Variants in RBFOX1 observed in about 807,000 individuals in gnomAD.
RBFOX1 encodes the protein RNA binding protein fox-1 homolog 1.
A neutral mutation model predicts 57.7 loss-of-function variants in RBFOX1; 8 were observed. The ratio of observed to expected loss-of-function variants is 0.14; its 90% confidence interval spans 0.08 to 0.25. RBFOX1 has a LOEUF of 0.25. RBFOX1 is among the 10% of genes least tolerant of loss of function. RBFOX1 has a pLI of 1.00. For synonymous variants in RBFOX1, 326 were observed against 222.4 expected (o/e 1.47, Z -4.15); for missense variants, 611 against 548.5 (o/e 1.11, Z -1.14).
chr16:7,665,236 C>A (rs1275280772), intron 13 of RBFOX1, among the ~76,000 whole-genome samples: 1 of 152,122 alleles, frequency 6.6e-6, no homozygotes, highest in Non-Finnish European at 1.5e-5. Flanking sequence ...TTCTTTCATG[C>A]CAACTAAAGA....
chr16:5,961,480 A>T (rs935226233), intron 4 of RBFOX1, among the ~76,000 whole-genome samples: 3 of 129,452 alleles, frequency 2.3e-5, no homozygotes, highest in African/African-American at 5.5e-5. Context: ...CTTTTGTTTA[A>T]AAAAAACAAA....
intron 11 of RBFOX1, among the ~76,000 whole-genome samples, chr16:7,649,389 G>C (rs928968958): frequency 6.6e-6 from 1 of 152,202 alleles, no homozygotes; most frequent in Non-Finnish European, 1.5e-5. Context: ...GTCTGGGTCT[G>C]TTTAGTAAAC....
chr16:5,391,972 G>A (rs372914575), intron 1 of RBFOX1, among the ~76,000 whole-genome samples: 1 of 151,874 alleles, frequency 6.6e-6, no homozygotes, highest in Non-Finnish European at 1.5e-5. Flanking sequence ...ATGATTTAAT[G>A]GCATTCACAG....
In RBFOX1 at chr16:7,426,877, G is replaced by A. The variant is rs116622780; in HGVS notation, c.28-91270G>A. On this transcript the variant is annotated intron_variant, in intron 4 of 15. Transcript: ENST00000550418. Reference sequence around the variant, plus strand: ...TGAGGGTGCATCAGCATTCCTGCACGGCTTGTTAAAACCTCTGAGTCTGTG... The same window carrying A: ...TGAGGGTGCATCAGCATTCCTGCACAGCTTGTTAAAACCTCTGAGTCTGTG... Among the ~76,000 whole-genome samples, 1,323 of 152,214 alleles carry A rather than the reference G, an allele frequency of 8.7e-3. 17 individuals are homozygous for A. Among genetic ancestry groups the A allele is most frequent in the African/African-American group, 0.03 (1,244 of 41,540 alleles).
intron 3 of RBFOX1, among the ~76,000 whole-genome samples, chr16:5,767,690 C>A (rs930733343): frequency 6.6e-6 from 1 of 152,142 alleles, no homozygotes; most frequent in African/African-American, 2.4e-5. Flanking sequence ...CAATGGACTC[C>A]TGAAAAGGCA....
intron 2 of RBFOX1, among the ~76,000 whole-genome samples, chr16:5,532,216 C>T (rs766026805): frequency 6.6e-6 from 1 of 152,196 alleles, no homozygotes; most frequent in Non-Finnish European, 1.5e-5. Flanking sequence ...GGATGTTGAG[C>T]AGCACCCAGG....
chr16:5,874,860 A>C (rs2057564648), intron 4 of RBFOX1, among the ~76,000 whole-genome samples: 1 of 152,130 alleles, frequency 6.6e-6, no homozygotes, highest in South Asian at 2.1e-4. Flanking sequence ...CGGGAGGATC[A>C]CTTGGGACCC....
chr16:7,268,388 C>CT, intron 4 of RBFOX1, among the ~76,000 whole-genome samples: 2 of 152,306 alleles, frequency 1.3e-5, no homozygotes, highest in East Asian at 3.9e-4. Flanking sequence ...GACTCGCTCT[C>CT]ACTCTTACTG....
At chr16:7,486,019 C>G (rs978306013) in intron 4 of RBFOX1, among the ~76,000 whole-genome samples, 1 of 151,090 alleles carries the variant, frequency 6.6e-6, no homozygotes, top group Non-Finnish European at 1.5e-5. Context: ...CTGTCTGGCT[C>G]TTTACAGGAA....
intron 4 of RBFOX1, among the ~76,000 whole-genome samples, chr16:7,278,107 T>C (rs2141048032): frequency 6.6e-6 from 1 of 152,246 alleles, no homozygotes; most frequent in East Asian, 1.9e-4. Context: ...GAATCCATAG[T>C]GGTATTTGGC....
chr16:6,925,348 C>G (rs1268969383), intron 3 of RBFOX1, among the ~76,000 whole-genome samples: 2 of 151,634 alleles, frequency 1.3e-5, no homozygotes, highest in South Asian at 2.1e-4. Flanking sequence ...TGGTCTTGAA[C>G]TCCTGACCTC....
chr16:5,372,970 C>G (rs1026228622), intron 1 of RBFOX1, among the ~76,000 whole-genome samples: 6 of 152,218 alleles, frequency 3.9e-5, no homozygotes, highest in Admixed American at 6.5e-5. Flanking sequence ...CAGACACAGG[C>G]TAGCTTCTGT....
chr16:6,649,530 C>T (rs1602686217), intron 2 of RBFOX1, among the ~76,000 whole-genome samples: 2 of 152,178 alleles, frequency 1.3e-5, no homozygotes, highest in Non-Finnish European at 1.5e-5. Context: ...GACACTTTCC[C>T]CTGAGTCCGC....
chr16:7,166,831 T>C (rs943670446), intron 4 of RBFOX1, among the ~76,000 whole-genome samples: 2 of 151,756 alleles, frequency 1.3e-5, no homozygotes, highest in Non-Finnish European at 2.9e-5. Flanking sequence ...CTCTCCCAGG[T>C]TGTGAAACAA....
intron 1 of RBFOX1, among the ~76,000 whole-genome samples, chr16:6,153,614 C>T (rs1220925685): frequency 1.3e-5 from 2 of 152,120 alleles, no homozygotes; most frequent in African/African-American, 4.8e-5. Flanking sequence ...CGGCTCACTG[C>T]AACCTCTGCC....
intron 3 of RBFOX1, among the ~76,000 whole-genome samples, chr16:6,841,255 G>C (rs1050639692): frequency 5.3e-5 from 8 of 152,082 alleles, no homozygotes; most frequent in Non-Finnish European, 8.8e-5. Context: ...ATTATACTCA[G>C]GTTCTTTTGA....
intron 4 of RBFOX1, among the ~76,000 whole-genome samples, chr16:7,484,947 T>C (rs1009353194): frequency 6.6e-6 from 1 of 152,218 alleles, no homozygotes; most frequent in Non-Finnish European, 1.5e-5. Context: ...ATGCCCCAAG[T>C]TGTTCAAAAC....
At chr16:5,776,399 C>T (rs1214107714) in intron 3 of RBFOX1, among the ~76,000 whole-genome samples, 1 of 152,172 alleles carries the variant, frequency 6.6e-6, no homozygotes, top group Non-Finnish European at 1.5e-5. Flanking sequence ...CCACGGCCAC[C>T]ATTTTAACCT....
At position 5,984,782 on chromosome 16, in the gene RBFOX1, C is replaced by A. The variant is rs1358049548; in HGVS notation, c.351+117447C>A. On this transcript the variant is annotated intron_variant, in intron 4 of 19. Transcript: ENST00000641259. Reference sequence around the variant, plus strand: ...TGCCCACCTAGGCGGTATGTTCTGGCCTTTTGCTCCTAGGCTACAAACTTA... The same window carrying A: ...TGCCCACCTAGGCGGTATGTTCTGGACTTTTGCTCCTAGGCTACAAACTTA... Among the ~76,000 whole-genome samples the A allele has an allele frequency of 6.6e-5, 10 of 151,820 alleles. No homozygotes were observed. In the South Asian group the frequency reaches 1.5e-3, roughly 22 times the overall value.
Sources: gnomAD v4.1 joint callset for allele counts (sites outside exome capture counted in the v4.1 genomes callset) on GRCh38, gnomAD v4.1.1 for gene constraint, MANE v1.5 for transcripts, NCBI Gene and HGNC (gene_info 2026-07-23, HGNC 2026-07-21) for gene names.